The following FOXP2 variants were observed in gnomAD, a reference collection of about 807,000 sequenced individuals.
The protein encoded by FOXP2 is forkhead box P2.
In FOXP2, 12 loss-of-function variants were observed where a neutral mutation model predicts 115.8. That is an observed-to-expected ratio of 0.10 (90% CI 0.07 to 0.17). The LOEUF (loss-of-function observed/expected upper bound fraction) is 0.17, where lower values mean the gene tolerates loss of function less well. FOXP2 is among the 10% of genes least tolerant of loss of function. The pLI is 1.00. For missense variants in FOXP2, 629 were observed against 843.5 expected (o/e 0.75, Z 3.15); for synonymous variants, 328 against 297.7 (o/e 1.10, Z -1.05).
upstream of FOXP2, among the ~76,000 whole-genome samples, chr7:114,411,415 AT>A: frequency 6.6e-6 from 1 of 152,126 alleles, no homozygotes; most frequent in Non-Finnish European, 1.5e-5. Context: ...TGTAGTTTAT[AT>A]TCATTTTTAT....
intron 8 of FOXP2, chr7:114,645,460 TA>T (rs1170622342): frequency 2.0e-5 from 3 of 151,888 alleles, no homozygotes; most frequent in Admixed American, 1.3e-4. Context: ...ATTTTATTTT[TA>T]AAAAAATCAT....
intron 3 of FOXP2, among the ~76,000 whole-genome samples, chr7:114,602,781 A>G (rs1302976148): frequency 6.6e-6 from 1 of 152,192 alleles, no homozygotes; most frequent in East Asian, 1.9e-4. Context: ...CATTTATTTT[A>G]CCTATTTTAA....
chr7:114,274,603 C>CTTTTTTTT lies in FOXP2; in HGVS notation c.-101-13394_-101-13387dup, dbSNP rs71157577. 4.2e-4 allele frequency among the ~76,000 whole-genome samples: 18 copies of CTTTTTTTT among 42,580 alleles called. 6 individuals are homozygous for CTTTTTTTT. Among genetic ancestry groups the CTTTTTTTT allele is most frequent in the Non-Finnish European group, 4.4e-4 (11 of 24,952 alleles). 27.9% of individuals were successfully genotyped at this position (42,580 alleles called of 152,430 possible). A position where few individuals can be genotyped will look rare whatever the true frequency, so the allele number is the denominator to read the frequency against. On this transcript the variant is annotated intron_variant, in intron 1 of 17. Coordinates refer to the FOXP2 transcript ENST00000634411. Reference sequence around the variant, plus strand: ...TGGATTGGTTTTTTCCCTCTCAAAGCTTTTTTTTTTTTTTTTTTTTTTTTT... The same window carrying CTTTTTTTT: ...TGGATTGGTTTTTTCCCTCTCAAAGCTTTTTTTTTTTTTTTTTTTTTTTTTTTTTTTTT...
At chr7:114,416,870 G>T (rs895812413) in intron 1 of FOXP2, among the ~76,000 whole-genome samples, 1 of 151,668 alleles carries the variant, frequency 6.6e-6, no homozygotes, top group Non-Finnish European at 1.5e-5. Context: ...TTAGAAATAT[G>T]GTGCTCTATT....
At chr7:114,186,333 T>G (rs1408191542) in intron 1 of FOXP2, among the ~76,000 whole-genome samples, 1 of 152,092 alleles carries the variant, frequency 6.6e-6, no homozygotes, top group Non-Finnish European at 1.5e-5. Flanking sequence ...GAGGCAAATT[T>G]CCCTCTTGGA....
intron 1 of FOXP2, among the ~76,000 whole-genome samples, chr7:114,420,662 G>A (rs929165249): frequency 1.1e-4 from 16 of 151,674 alleles, no homozygotes; most frequent in African/African-American, 3.6e-4. Context: ...TTACATTTTG[G>A]CATTATAAAT....
chr7:114,684,329 C>T (rs1808245548), intron 16 of FOXP2, among the ~76,000 whole-genome samples: 1 of 152,160 alleles, frequency 6.6e-6, no homozygotes, highest in Non-Finnish European at 1.5e-5. Flanking sequence ...GCAGGGAATT[C>T]AGAAACTGTC....
intron 1 of FOXP2, among the ~76,000 whole-genome samples, chr7:114,141,706 G>A (rs1792213750): frequency 6.6e-6 from 1 of 152,168 alleles, no homozygotes; most frequent in South Asian, 2.1e-4. Context: ...CATGAATAAA[G>A]TTTGGAGGCA....
At chr7:114,214,627 G>A (rs1327838185) in intron 1 of FOXP2, among the ~76,000 whole-genome samples, 1 of 152,142 alleles carries the variant, frequency 6.6e-6, no homozygotes, top group Non-Finnish European at 1.5e-5. Flanking sequence ...ACCTCAGGCT[G>A]GTGTGGAGGG....
intron 2 of FOXP2, among the ~76,000 whole-genome samples, chr7:114,301,368 T>A (rs920171426): frequency 5.9e-5 from 9 of 152,104 alleles, no homozygotes; most frequent in Admixed American, 4.6e-4. Flanking sequence ...TTGGAGAAAG[T>A]CTTGAAAGAT....
At chr7:114,248,198 G>C (rs373810307) in intron 1 of FOXP2, among the ~76,000 whole-genome samples, 13 of 151,010 alleles carry the variant, frequency 8.6e-5, no homozygotes, top group Non-Finnish European at 1.3e-4. Context: ...GAGAGAGAGA[G>C]AGAGAGAGAG....
chr7:114,220,289 G>A (rs751119592), intron 1 of FOXP2, among the ~76,000 whole-genome samples: 1 of 151,676 alleles, frequency 6.6e-6, no homozygotes, highest in African/African-American at 2.4e-5. Context: ...TAAACCTACC[G>A]AATTATACAA....
intron 1 of FOXP2, among the ~76,000 whole-genome samples, chr7:114,176,913 A>G (rs1271731693): frequency 6.6e-6 from 1 of 152,036 alleles, no homozygotes; most frequent in Non-Finnish European, 1.5e-5. Flanking sequence ...ATGGATTAGT[A>G]TTGTCTAATT....
At chr7:114,277,063 T>C (rs1325294801) in intron 1 of FOXP2, among the ~76,000 whole-genome samples, 2 of 152,064 alleles carry the variant, frequency 1.3e-5, no homozygotes, top group Non-Finnish European at 2.9e-5. Context: ...TCATAGGAGC[T>C]CCTAAACCAG....
chr7:114,651,457 G>A (rs1338077898), intron 8 of FOXP2, among the ~76,000 whole-genome samples: 1 of 151,766 alleles, frequency 6.6e-6, no homozygotes, highest in Non-Finnish European at 1.5e-5. Flanking sequence ...ATTACTTTTG[G>A]TGTATTAACA....
intron 2 of FOXP2, among the ~76,000 whole-genome samples, chr7:114,335,020 T>G (rs1797816057): frequency 6.7e-6 from 1 of 148,948 alleles, no homozygotes; most frequent in Non-Finnish European, 1.5e-5. Flanking sequence ...GTTCCTAATA[T>G]TTTACACAAA....
intron 2 of FOXP2, among the ~76,000 whole-genome samples, chr7:114,510,448 G>A (rs1398953145): frequency 6.6e-6 from 1 of 152,142 alleles, no homozygotes; most frequent in Non-Finnish European, 1.5e-5. Flanking sequence ...ATAAGAAGAA[G>A]AATACAAGAG....
chr7:114,466,663 C>T (rs1795811838), intron 2 of FOXP2, among the ~76,000 whole-genome samples: 1 of 152,246 alleles, frequency 6.6e-6, no homozygotes, highest in Middle Eastern at 3.4e-3. Flanking sequence ...AAATCTTAAA[C>T]ATGGAACACT....
chr7:114,552,495 CT>C (rs1584886565), intron 3 of FOXP2, among the ~76,000 whole-genome samples: 1 of 152,038 alleles, frequency 6.6e-6, no homozygotes, highest in East Asian at 1.9e-4. Flanking sequence ...AAAAATTATC[CT>C]TTTTTATGTG....
Sources: gnomAD v4.1 joint callset for allele counts (sites outside exome capture counted in the v4.1 genomes callset) on GRCh38, gnomAD v4.1.1 for gene constraint, MANE v1.5 for transcripts, NCBI Gene and HGNC (gene_info 2026-07-23, HGNC 2026-07-21) for gene names.